ADAMTS6: variants seen among roughly 807,000 people sequenced by gnomAD.
ADAMTS6 encodes A disintegrin and metalloproteinase with thrombospondin motifs 6.
ADAMTS6 carries 23 observed loss-of-function variants against 144.3 expected under a neutral mutation model. The ratio of observed to expected loss-of-function variants is 0.16; its 90% confidence interval spans 0.11 to 0.23. The LOEUF (loss-of-function observed/expected upper bound fraction) is 0.23. ADAMTS6 is among the 10% of genes least tolerant of loss of function. The probability of loss-of-function intolerance (pLI) is 1.00; values close to 1 mark genes in which losing one functional copy is unlikely to be tolerated. For missense variants in ADAMTS6, 999 were observed against 1,379.6 expected (o/e 0.72, Z 4.37); for synonymous variants, 444 against 457.5 (o/e 0.97, Z 0.38).
chr5:65,343,925 C>A (rs746328058), intron 7 of ADAMTS6, among the ~76,000 whole-genome samples: 10 of 151,952 alleles, frequency 6.6e-5, no homozygotes, highest in African/African-American at 2.4e-4. Flanking sequence ...AAAAGACATT[C>A]GAATGGCCAA....
intron 7 of ADAMTS6, among the ~76,000 whole-genome samples, chr5:65,344,090 A>G (rs1235717503): frequency 6.6e-6 from 1 of 151,984 alleles, no homozygotes; most frequent in East Asian, 1.9e-4. Flanking sequence ...TTTATTGGAA[A>G]GCATAGAGAT....
chr5:65,413,016 T>C (rs920594167), intron 7 of ADAMTS6, among the ~76,000 whole-genome samples: 1 of 152,148 alleles, frequency 6.6e-6, no homozygotes, highest in Non-Finnish European at 1.5e-5. Flanking sequence ...TAACAAACAG[T>C]TCCAACCTAC....
At chr5:65,291,511 G>A in intron 10 of ADAMTS6, 41 bp from the exon 11 acceptor site, 1 of 1,551,144 alleles carries the variant, frequency 6.4e-7, no homozygotes, top group Non-Finnish European at 8.7e-7. Context: ...GGTATTCTAT[G>A]GGCTATTTTA....
At chr5:65,269,328 A>G (rs2112635484) in intron 12 of ADAMTS6, among the ~76,000 whole-genome samples, 1 of 152,264 alleles carries the variant, frequency 6.6e-6, no homozygotes, top group Middle Eastern at 3.4e-3. Context: ...TATTTTACCA[A>G]TTGTCACACA....
intron 12 of ADAMTS6, among the ~76,000 whole-genome samples, chr5:65,263,708 A>G (rs1488112746): frequency 6.6e-6 from 1 of 152,226 alleles, no homozygotes; most frequent in African/African-American, 2.4e-5. Context: ...TCATAACTCT[A>G]GCATGATAAA....
intron 7 of ADAMTS6, among the ~76,000 whole-genome samples, chr5:65,411,772 C>T (rs1052786895): frequency 6.6e-6 from 1 of 152,134 alleles, no homozygotes; most frequent in Non-Finnish European, 1.5e-5. Context: ...TATGTAGTAA[C>T]ATTTAAATAT....
intron 7 of ADAMTS6, among the ~76,000 whole-genome samples, chr5:65,375,207 C>T (rs1246338690): frequency 6.6e-6 from 1 of 152,176 alleles, no homozygotes; most frequent in East Asian, 1.9e-4. Context: ...TGGGCAAAGG[C>T]TTCATGTCTA....
chr5:65,239,172 C>T lies in ADAMTS6; in HGVS notation c.1933+2932G>A, dbSNP rs577645338. On this transcript the variant is annotated intron_variant, in intron 15 of 24. Coordinates refer to ENST00000381055, the MANE Select transcript of ADAMTS6 (RefSeq NM_197941.4). ...TAGGAGATATACCTAATGTAAATGG[C>T]GAGTCAATGGGTGCAGCACACCAAC... Among the ~76,000 whole-genome samples the T allele has an allele frequency of 8.6e-5, 13 of 151,156 alleles. No individual in the cohort carries two copies. The East Asian group carries it at 1.9e-3, about 23-fold the overall frequency.
chr5:65,183,817 G>T (rs369023219), intron 22 of ADAMTS6, among the ~76,000 whole-genome samples: 5 of 152,086 alleles, frequency 3.3e-5, no homozygotes, highest in East Asian at 3.8e-4. Flanking sequence ...ATGTTTTTGC[G>T]TAACTTTTGA....
chr5:65,413,891 T>C (rs1372159356), intron 7 of ADAMTS6, among the ~76,000 whole-genome samples: 1 of 152,104 alleles, frequency 6.6e-6, no homozygotes, highest in African/African-American at 2.4e-5. Flanking sequence ...AACAGACATA[T>C]ACTAACTGCT....
intron 9 of ADAMTS6, among the ~76,000 whole-genome samples, chr5:65,302,662 A>G (rs189525050): frequency 6.6e-6 from 1 of 152,236 alleles, no homozygotes; most frequent in East Asian, 1.9e-4. Context: ...TTCTGTCAAA[A>G]TAATCAACTA....
At chr5:65,399,514 A>G (rs945380248) in intron 7 of ADAMTS6, among the ~76,000 whole-genome samples, 1 of 151,972 alleles carries the variant, frequency 6.6e-6, no homozygotes, top group African/African-American at 2.4e-5. Flanking sequence ...TCGTGTATCA[A>G]TTATGCTTCT....
At chr5:65,431,187 C>T (rs1223520518) in intron 7 of ADAMTS6, among the ~76,000 whole-genome samples, 1 of 152,070 alleles carries the variant, frequency 6.6e-6, no homozygotes, top group Non-Finnish European at 1.5e-5. Flanking sequence ...TCCAGTCTTT[C>T]CGCTGCAGCC....
At chr5:65,241,408 T>C (rs1759173339) in intron 15 of ADAMTS6, among the ~76,000 whole-genome samples, 1 of 152,028 alleles carries the variant, frequency 6.6e-6, no homozygotes, top group South Asian at 2.1e-4. Flanking sequence ...TTTTTGTATT[T>C]TTAGTAGAGA....
At chr5:65,169,949 G>C (rs937491586) in intron 24 of ADAMTS6, among the ~76,000 whole-genome samples, 1 of 151,150 alleles carries the variant, frequency 6.6e-6, no homozygotes, top group Non-Finnish European at 1.5e-5. Context: ...TGATGAGTTA[G>C]TGGGTGCAGC....
chr5:65,229,815 G>C, intron 15 of ADAMTS6, among the ~76,000 whole-genome samples: 1 of 152,038 alleles, frequency 6.6e-6, no homozygotes, highest in South Asian at 2.1e-4. Flanking sequence ...GGAATCTTAG[G>C]TGGAAAAGAA....
chr5:65,425,992 C>T (rs1756486076), intron 7 of ADAMTS6, among the ~76,000 whole-genome samples: 1 of 151,746 alleles, frequency 6.6e-6, no homozygotes, highest in South Asian at 2.1e-4. Flanking sequence ...ACCTCGTGAT[C>T]CGCCCGCCTC....
intron 7 of ADAMTS6, among the ~76,000 whole-genome samples, chr5:65,353,619 C>T (rs1384617728): frequency 5.3e-5 from 8 of 151,834 alleles, no homozygotes; most frequent in Non-Finnish European, 8.8e-5. Context: ...TAAATGTTCT[C>T]AGATTTAAAA....
intron 21 of ADAMTS6, among the ~76,000 whole-genome samples, chr5:65,192,251 T>G (rs927225137): frequency 6.6e-6 from 1 of 152,052 alleles, no homozygotes; most frequent in Non-Finnish European, 1.5e-5. Flanking sequence ...TTATTGTACT[T>G]AACAGATTTT....
Sources: allele counts gnomAD v4.1 joint callset (sites outside exome capture counted in the v4.1 genomes callset), GRCh38; gene constraint gnomAD v4.1.1; transcripts MANE v1.5; gene names NCBI Gene and HGNC (gene_info 2026-07-23, HGNC 2026-07-21).